The following DLG2 variants were observed in gnomAD, a reference collection of about 807,000 sequenced individuals.
DLG2 encodes disks large homolog 2.
A neutral mutation model predicts 132.5 loss-of-function variants in DLG2; 45 were observed. The ratio of observed to expected loss-of-function variants is 0.34; its 90% CI spans 0.27 to 0.44. DLG2 has a LOEUF of 0.44. Ranked by LOEUF, DLG2 falls within the 20% of genes least tolerant of loss-of-function variation. DLG2 has a pLI of 1.00. For synonymous variants in DLG2, 424 were observed against 419.6 expected, an observed-to-expected ratio of 1.01 and a Z score of -0.13; for missense variants, 1,045 against 1,196.9, an observed-to-expected ratio of 0.87 and a Z score of 1.87.
chr11:83,989,934 G>A (rs1247486174), intron 11 of DLG2, among the ~76,000 whole-genome samples: 1 of 152,124 alleles, frequency 6.6e-6, no homozygotes. Flanking sequence ...GAAAAGAAGT[G>A]TCCATGAAAA....
At chr11:85,148,799 G>C (rs1283362022) in intron 5 of DLG2, among the ~76,000 whole-genome samples, 1 of 152,064 alleles carries the variant, frequency 6.6e-6, no homozygotes, top group Non-Finnish European at 1.5e-5. Context: ...ATTGCTTTTG[G>C]CATGTTCATC....
chr11:84,749,806 C>A (rs1298763438), intron 6 of DLG2, among the ~76,000 whole-genome samples: 3 of 152,034 alleles, frequency 2.0e-5, no homozygotes, highest in Non-Finnish European at 4.4e-5. Context: ...CTTTGGATTC[C>A]CCCTGCTGTT....
At chr11:84,774,345 T>C (rs771765344) in intron 6 of DLG2, among the ~76,000 whole-genome samples, 26 of 152,086 alleles carry the variant, frequency 1.7e-4, no homozygotes, top group Non-Finnish European at 2.9e-4. Context: ...GAAGAATCAA[T>C]ATCATTAAAA....
At chr11:85,014,174 C>T (rs1372487358) in intron 6 of DLG2, among the ~76,000 whole-genome samples, 1 of 152,148 alleles carries the variant, frequency 6.6e-6, no homozygotes, top group African/African-American at 2.4e-5. Context: ...TCAAATCCAG[C>T]TGCATAGCCT....
intron 3 of DLG2, among the ~76,000 whole-genome samples, chr11:85,507,101 T>A (rs1331594252): frequency 6.6e-6 from 1 of 152,218 alleles, no homozygotes; most frequent in Non-Finnish European, 1.5e-5. Flanking sequence ...AGCCTATGTG[T>A]GTGTCTGCAC....
At chr11:84,185,397 C>A (rs1490534488) in intron 8 of DLG2, among the ~76,000 whole-genome samples, 1 of 152,076 alleles carries the variant, frequency 6.6e-6, no homozygotes, top group Non-Finnish European at 1.5e-5. Context: ...TATAAGAATG[C>A]TTGTGATTTT....
At chr11:84,860,946 T>C (rs1600077425) in intron 6 of DLG2, among the ~76,000 whole-genome samples, 1 of 152,036 alleles carries the variant, frequency 6.6e-6, no homozygotes, top group Non-Finnish European at 1.5e-5. Flanking sequence ...ATGCACTTAT[T>C]TTTTTATCCA....
At chr11:84,904,966 C>A (rs969045356) in intron 6 of DLG2, among the ~76,000 whole-genome samples, 2 of 152,164 alleles carry the variant, frequency 1.3e-5, no homozygotes, top group South Asian at 4.1e-4. Flanking sequence ...CTCTGTCGCC[C>A]AGGCTAGAGT....
At position 84,765,883 on chromosome 11, in the gene DLG2, A is replaced by G. The variant is rs146431932; in HGVS notation, c.358-231152T>C. 5.7e-3 allele frequency among the ~76,000 whole-genome samples: 865 copies of G among 152,078 alleles called. 7 individuals carry two copies. Among genetic ancestry groups the G allele is most frequent in the South Asian group, 0.019 (94 of 4,826 alleles). On this transcript the variant is annotated intron_variant, in intron 6 of 27. Transcript: ENST00000376104. Reference sequence around the variant, plus strand: ...ACTAGTAAAACAATTTAATTCTATTATATCAGCATCACCTTTTCTTGATGC... The same window carrying G: ...ACTAGTAAAACAATTTAATTCTATTGTATCAGCATCACCTTTTCTTGATGC...
At chr11:85,429,445 T>C (rs2091009961) in intron 3 of DLG2, among the ~76,000 whole-genome samples, 1 of 152,180 alleles carries the variant, frequency 6.6e-6, no homozygotes, top group South Asian at 2.1e-4. Flanking sequence ...GGAGAAAATT[T>C]TTGCTATCTA....
rs1430701246 is a variant in DLG2 at position 85,230,491 on chromosome 11, T to C, written c.186+54729A>G. Among the ~76,000 whole-genome samples the C allele has an allele frequency of 6.6e-5, 10 of 151,966 alleles. 1 individual carries two copies. In the East Asian group the frequency reaches 1.9e-3, roughly 29 times the overall value. On this transcript the variant is annotated intron_variant, in intron 4 of 27. Transcript: ENST00000376104. ...TTATATTCATTTTCGAAAGACGTGTTTATGGATATAAAATTCTAGGATGAC... is the reference window on the plus strand; with the variant it reads ...TTATATTCATTTTCGAAAGACGTGTCTATGGATATAAAATTCTAGGATGAC...
chr11:85,494,903 C>A lies in DLG2; in HGVS notation c.40+103754G>T, dbSNP rs199604008. Among the ~76,000 whole-genome samples, 6 of 140,736 alleles carry A rather than the reference C, an allele frequency of 4.3e-5. No individual in the cohort carries two copies. The South Asian group carries it at 1.1e-3, about 26-fold the overall frequency. The allele number at this position is 140,736 out of a possible 152,430, so 92.3% of individuals were successfully genotyped here. On this transcript the variant is annotated intron_variant, in intron 3 of 27. Transcript: ENST00000376104. ...AGTAAAAGTGATACCATAAAAAAAA[C>A]AGTGAAAAACATGCTACTAAATGAG...
At chr11:84,461,692 A>T (rs781706593) in intron 7 of DLG2, among the ~76,000 whole-genome samples, 19 of 151,054 alleles carry the variant, frequency 1.3e-4, no homozygotes, top group Non-Finnish European at 2.5e-4. Context: ...AAGAGTGAAG[A>T]ACACAAAATT....
chr11:84,703,887 CGT>C (rs370287195), intron 6 of DLG2, among the ~76,000 whole-genome samples: 32,252 of 112,958 alleles, frequency 0.29, 5,432 homozygotes, highest in African/African-American at 0.54. Flanking sequence ...TATATATACA[CGT>C]GTGTGTGTGT....
chr11:84,548,240 T>C (rs2099394252), intron 6 of DLG2, among the ~76,000 whole-genome samples: 1 of 152,096 alleles, frequency 6.6e-6, no homozygotes, highest in South Asian at 2.1e-4. Context: ...TACGGAAGCA[T>C]AACACACAAA....
intron 9 of DLG2, among the ~76,000 whole-genome samples, chr11:84,157,626 T>A (rs2095457234): frequency 6.6e-6 from 1 of 152,154 alleles, no homozygotes; most frequent in South Asian, 2.1e-4. Context: ...TTGTTCCCTC[T>A]CACCTCTCAT....
At chr11:83,605,053 G>A (rs879427872) in intron 19 of DLG2, among the ~76,000 whole-genome samples, 1 of 151,318 alleles carries the variant, frequency 6.6e-6, no homozygotes, top group Non-Finnish European at 1.5e-5. Context: ...TTGATTCACA[G>A]CAACCAATCA....
At chr11:84,086,823 A>C (rs1379857029) in intron 10 of DLG2, among the ~76,000 whole-genome samples, 2 of 152,072 alleles carry the variant, frequency 1.3e-5, no homozygotes, top group African/African-American at 4.8e-5. Context: ...AAGAAATCTT[A>C]TATCTATTAC....
chr11:84,215,044 T>C (rs1597599472), intron 8 of DLG2, among the ~76,000 whole-genome samples: 1 of 152,160 alleles, frequency 6.6e-6, no homozygotes, highest in South Asian at 2.1e-4. Flanking sequence ...GCTCAGTTCT[T>C]CAAGGTGAAC....
Sources: gnomAD v4.1 joint callset for allele counts (sites outside exome capture counted in the v4.1 genomes callset) on GRCh38, gnomAD v4.1.1 for gene constraint, MANE v1.5 for transcripts, NCBI Gene and HGNC (gene_info 2026-07-23, HGNC 2026-07-21) for gene names.